BOD1L1: variants seen among roughly 807,000 people sequenced by gnomAD.
BOD1L1 encodes the protein biorientation of chromosomes in cell division protein 1-like 1.
In BOD1L1, 86 loss-of-function variants were observed where a neutral mutation model predicts 240.7. That is an observed-to-expected ratio of 0.36 (90% confidence interval 0.30 to 0.43). BOD1L1 has a LOEUF of 0.43. BOD1L1 is among the 20% of genes least tolerant of loss of function. The pLI is 1.00. For missense variants in BOD1L1, 3,554 were observed against 3,643.5 expected, an observed-to-expected ratio of 0.98 and a Z score of 0.63; for synonymous variants, 1,268 against 1,272.3, an observed-to-expected ratio of 1.00 and a Z score of 0.07.
chr4:13,613,089 C>G lies in BOD1L1; in HGVS notation c.1324+423G>C, dbSNP rs1716309931. The stretch of plus-strand genomic sequence containing the variant: ...AACAACCATAGCTGTGAGTATACCA[C>G]CTTTCGGTAAGTTCTATGAGCCCTT... On this transcript the variant is annotated intron_variant, in intron 5 of 25. Coordinates refer to ENST00000040738, the MANE Select transcript of BOD1L1 (RefSeq NM_148894.3). The surrounding 1 kb of genome is among the most constrained non-coding windows in gnomAD (Gnocchi z 4.0). Among the ~76,000 whole-genome samples, 1 of 152,164 alleles carries G rather than the reference C, an allele frequency of 6.6e-6. No homozygotes were observed.
At chr4:13,606,172 C>A (rs1481659844) in intron 9 of BOD1L1, among the ~76,000 whole-genome samples, 1 of 152,040 alleles carries the variant, frequency 6.6e-6, no homozygotes, top group Non-Finnish European at 1.5e-5. Context: ...AAATAAAATT[C>A]CTCAAAGAAC....
In BOD1L1 at chr4:13,614,801, G is replaced by A; in HGVS notation, c.569C>T (p.Thr190Ile). 1 of 1,606,410 alleles carries A rather than the reference G, an allele frequency of 6.2e-7. No individual in the cohort carries two copies. Among genetic ancestry groups the A allele is most frequent in the Non-Finnish European group, 8.5e-7 (1 of 1,177,128 alleles). ...GGCTACATTAGCACTGGGCCCAGGAGTAGGAACACCTTAAAGAAAAACAGA... is the reference window on the plus strand; with the variant it reads ...GGCTACATTAGCACTGGGCCCAGGAATAGGAACACCTTAAAGAAAAACAGA... ...DTSLITQGVP[T>I]PGPSANVAND... Residue 190 changes from threonine (T) to isoleucine (I), a missense_variant, in exon 4 of 26, where the codon ACT becomes ATT. By Grantham distance (89) the Thr-to-Ile change is moderately conservative (BLOSUM62 -1). This residue lies in a region of BOD1L1 where 3,393 missense variants were observed against 3,427.1 expected (regional missense o/e 0.99). Transcript: ENST00000040738.
chr4:13,617,288 A>G (rs1315201365), intron 2 of BOD1L1, among the ~76,000 whole-genome samples: 1 of 151,946 alleles, frequency 6.6e-6, no homozygotes, highest in African/African-American at 2.4e-5. Context: ...GTACCAAAAA[A>G]AAATTAAACT....
intron 25 of BOD1L1, among the ~76,000 whole-genome samples, chr4:13,575,753 C>T (rs1336192381): frequency 6.6e-6 from 1 of 152,138 alleles, no homozygotes; most frequent in Admixed American, 6.5e-5. Flanking sequence ...TACCATTTCT[C>T]AAATGTGCCA....
rs781209740 is a variant in BOD1L1 at position 13,604,696 on chromosome 4, G to A, written c.2204C>T (p.Ser735Leu). 182 of 1,595,270 alleles carry A rather than the reference G, an allele frequency of 1.1e-4. 1 individual carries two copies. The highest frequency in any genetic ancestry group is 1.4e-4 in the Non-Finnish European group (169 of 1,175,530). Residue 735 changes from serine (S) to leucine (L), a missense_variant, in exon 10 of 26, where the codon TCG (serine) becomes TTG (leucine). Ser to Leu is a moderately radical substitution (Grantham distance 145). Coordinates refer to ENST00000040738, the MANE Select transcript of BOD1L1 (RefSeq NM_148894.3). ...KEKPEREKTP[S>L]EDKLSVKHKY... is the part of the protein sequence containing the mutation. ...ATGTTTCACAGACAATTTGTCTTCC[G>A]ATGGAGTTTTCTCTCTTTCAGGCTT...
chr4:13,586,372 A>G lies in BOD1L1; in HGVS notation c.8433+24T>C, dbSNP rs774595856. ...GCCTCCCTACCCCCACCCAAAACTT[A>G]AAACTAATATGTGGAAAAAATACCT... On this transcript the variant is annotated intron_variant, in intron 17 of 25. Coordinates refer to ENST00000040738, the MANE Select transcript of BOD1L1 (RefSeq NM_148894.3). 5 of 1,569,678 alleles carry G rather than the reference A, an allele frequency of 3.2e-6. No homozygotes were observed. The Admixed American group carries it at 8.5e-5, about 27-fold the overall frequency.
rs139355197 is a variant in BOD1L1 at position 13,600,049 on chromosome 4, G to A, written c.6851C>T (p.Ala2284Val). The A allele has an allele frequency of 1.9e-5, 30 of 1,610,858 alleles. 1 individual carries two copies. The highest frequency in any genetic ancestry group is 1.7e-4 in the African/African-American group (13 of 74,778). ...QEEGDPSVTP[A>V]EEMGDTAMIS... ...CATGGCGGTGTCACCCATCTCTTCC[G>A]CTGGTGTGACTGAGGGGTCGCCTTC... Residue 2284 changes from alanine to valine, a missense_variant, in exon 10 of 26, where the codon GCG becomes GTG. Physicochemically the swap from Ala to Val is moderately conservative, Grantham distance 64. Transcript: ENST00000040738.
chr4:13,616,586 A>C (rs1716611421), intron 2 of BOD1L1, among the ~76,000 whole-genome samples: 1 of 152,254 alleles, frequency 6.6e-6, no homozygotes, highest in African/African-American at 2.4e-5. Flanking sequence ...TAGTGCTGGA[A>C]GATCAAAGTG....
Position 13,622,995 on chromosome 4 carries a change from C to T in BOD1L1, c.244-2928G>A, listed in dbSNP as rs140075631. ...GTCTGTCTCAGCTCTTCTATACTTG[C>T]TATGCTCTCTTCTTGGAATGCTCAA... On this transcript the variant is annotated intron_variant, in intron 1 of 25. Coordinates refer to ENST00000040738, the MANE Select transcript of BOD1L1 (RefSeq NM_148894.3). 4.0e-3 allele frequency among the ~76,000 whole-genome samples: 605 copies of T among 152,312 alleles called. 1 individual carries two copies. Among genetic ancestry groups the T allele is most frequent in the African/African-American group, 0.013 (556 of 41,564 alleles).
At chr4:13,580,374 G>A (rs1197682426) in intron 21 of BOD1L1, among the ~76,000 whole-genome samples, 2 of 152,290 alleles carry the variant, frequency 1.3e-5, no homozygotes, top group East Asian at 3.9e-4. Flanking sequence ...AGTCACCAGA[G>A]GGTCCCATGA....
chr4:13,582,832 AC>A, intron 17 of BOD1L1, 96 bp from the exon 18 acceptor site: 1 of 777,282 alleles, frequency 1.3e-6, no homozygotes, highest in Non-Finnish European at 2.1e-6. Context: ...TTTCAAAAAA[AC>A]TTCCTAGCTC....
In BOD1L1 at chr4:13,599,723, C is replaced by T; in HGVS notation, c.7177G>A (p.Gly2393Ser). 3 of 1,613,802 alleles carry T rather than the reference C, an allele frequency of 1.9e-6. No individual in the cohort carries two copies. The highest frequency in any genetic ancestry group is 2.5e-6 in the Non-Finnish European group (3 of 1,179,866). The change falls in exon 10 of 26, where the codon GGC (glycine) becomes AGC (serine). Residue 2393 changes from glycine to serine, a missense_variant. By Grantham distance (56) the Gly-to-Ser change is moderately conservative. Coordinates refer to ENST00000040738, the MANE Select transcript of BOD1L1 (RefSeq NM_148894.3). ...GCCAACACGGGACCCGGTTCTTTGC[C>T]TCCCCTGACTGGCCCAGGACACCGA... ...NCRCPGPVRG[G>S]KEPGPVLAVS...
At chr4:13,570,280 G>A (rs1294314303) in intron 25 of BOD1L1, among the ~76,000 whole-genome samples, 152 bp from the exon 26 acceptor site, 3 of 152,220 alleles carry the variant, frequency 2.0e-5, no homozygotes, top group Non-Finnish European at 4.4e-5. Context: ...GCTACCTCGC[G>A]AAGAGCTTGA....
Position 13,608,612 on chromosome 4 carries a change from C to A in BOD1L1, c.1660G>T (p.Ala554Ser), listed in dbSNP as rs545575821. The A allele has an allele frequency of 2.6e-6, 4 of 1,558,844 alleles. No individual in the cohort carries two copies. The highest frequency in any genetic ancestry group is 1.7e-4 in the Middle Eastern group (1 of 5,948). ...TCTTTAAGGACTTCTTTAATTCTGG[C>A]GGCTTTAGGTTCCAAACTCTTTGTT... ...SSTKSLEPKA[A>S]RIKEVLKERK... The change falls in exon 8 of 26, where the codon GCC (alanine) becomes TCC (serine). Residue 554 changes from alanine (A) to serine (S), a missense_variant. This residue lies in a region of BOD1L1 where 3,393 missense variants were observed against 3,427.1 expected (regional missense o/e 0.99). Transcript: ENST00000040738.
rs777634690 is a variant in BOD1L1, at chr4:13,600,069, G to C, written c.6831C>G (p.Gly2277=). Residue 2277 remains glycine, a synonymous_variant, in exon 10 of 26, where the codon GGC becomes GGG. Coordinates refer to ENST00000040738, the MANE Select transcript of BOD1L1 (RefSeq NM_148894.3). Reference sequence around the variant, plus strand: ...CTTCCGCTGGTGTGACTGAGGGGTCGCCTTCCTCTTGAGGGACAGCACTGG... The same window carrying C: ...CTTCCGCTGGTGTGACTGAGGGGTCCCCTTCCTCTTGAGGGACAGCACTGG... ...PVSSAVPQEE[G]DPSVTPAEEM... is the part of the protein sequence containing the mutation. 4 of 1,612,752 alleles carry C rather than the reference G, an allele frequency of 2.5e-6. No homozygotes were observed. In the Admixed American group the frequency reaches 6.7e-5, roughly 27 times the overall value.
At chr4:13,573,515 A>T (rs1045877110) in intron 25 of BOD1L1, among the ~76,000 whole-genome samples, 66 of 127,904 alleles carry the variant, frequency 5.2e-4, no homozygotes, top group African/African-American at 1.3e-3. Context: ...GCCTCTATCT[A>T]TCTATCTTTC....
In BOD1L1 at chr4:13,602,607, C is replaced by T; in HGVS notation, c.4293G>A (p.Glu1431=). 6.2e-7 allele frequency: 1 copy of T among 1,614,034 alleles called. No homozygotes were observed. Among genetic ancestry groups the T allele is most frequent in the Non-Finnish European group, 8.5e-7 (1 of 1,179,902 alleles). Residue 1431 remains glutamate (E), a synonymous_variant, in exon 10 of 26, where the codon GAG becomes GAA. Transcript: ENST00000040738. The part of the protein sequence containing the change: ...NLKQTIKATV[E]NGKKDGIAVD... The stretch of plus-strand genomic sequence containing the variant: ...CAGCAATGCCATCCTTCTTGCCATT[C>T]TCTACTGTTGCTTTAATTGTCTGCT...
intron 14 of BOD1L1, among the ~76,000 whole-genome samples, chr4:13,589,092 C>G (rs550026648): frequency 1.3e-5 from 2 of 152,184 alleles, no homozygotes; most frequent in Non-Finnish European, 2.9e-5. Flanking sequence ...CAAGGCCCTT[C>G]CCCCCAGTTT....
chr4:13,572,628 A>C (rs977625494), intron 25 of BOD1L1: 1 of 1,188,478 alleles, frequency 8.4e-7, no homozygotes, highest in Non-Finnish European at 1.1e-6. Context: ...AAAGGAAATT[A>C]GGAAGAAAGC....
Sources: allele counts gnomAD v4.1 joint callset (sites outside exome capture counted in the v4.1 genomes callset), GRCh38; gene constraint gnomAD v4.1.1; regional missense constraint gnomAD v4.1.1; non-coding constraint Gnocchi (gnomAD v3.1); transcripts MANE v1.5; gene names NCBI Gene and HGNC (gene_info 2026-07-23, HGNC 2026-07-21).